The following MAP2K4 variants were observed in gnomAD, a reference collection of about 807,000 sequenced individuals.
The protein encoded by MAP2K4 is mitogen-activated protein kinase kinase 4.
In MAP2K4, 4 loss-of-function variants were observed where a neutral mutation model predicts 48.5. The ratio of observed to expected loss-of-function variants is 0.08; its 90% CI spans 0.04 to 0.19. The LOEUF (loss-of-function observed/expected upper bound fraction) is 0.19. MAP2K4 is among the 10% of genes least tolerant of loss of function. The probability of loss-of-function intolerance (pLI) is 1.00; values close to 1 mark genes in which losing one functional copy is unlikely to be tolerated. For missense variants in MAP2K4, 258 were observed against 493.3 expected, an observed-to-expected ratio of 0.52 and a Z score of 4.52; for synonymous variants, 166 against 173.1, an observed-to-expected ratio of 0.96 and a Z score of 0.32.
chr17:12,127,904 G>A (rs575152389), intron 8 of MAP2K4, among the ~76,000 whole-genome samples: 18 of 152,162 alleles, frequency 1.2e-4, no homozygotes, highest in Non-Finnish European at 2.2e-4. Flanking sequence ...GGGAGGAAAC[G>A]GAATCAGTGT....
chr17:12,135,028 G>A (rs1483235465), intron 9 of MAP2K4, among the ~76,000 whole-genome samples: 2 of 151,966 alleles, frequency 1.3e-5, no homozygotes, highest in East Asian at 1.9e-4. Context: ...TCAGCCCCCC[G>A]AGTAGCTGGG....
chr17:12,024,678 G>A (rs1466778608), intron 1 of MAP2K4, among the ~76,000 whole-genome samples: 1 of 152,134 alleles, frequency 6.6e-6, no homozygotes, highest in Non-Finnish European at 1.5e-5. Flanking sequence ...TATTCTTAAT[G>A]TTTCATCAAT....
intron 7 of MAP2K4, among the ~76,000 whole-genome samples, chr17:12,114,893 T>C (rs1244801435): frequency 6.6e-6 from 1 of 152,252 alleles, no homozygotes; most frequent in Non-Finnish European, 1.5e-5. Context: ...GTTTTCTTGC[T>C]GACCTTCATC....
Position 12,079,524 on chromosome 17 carries a change from C to T in MAP2K4, c.219-1832C>T, listed in dbSNP as rs200516752. On this transcript the variant is annotated intron_variant, in intron 2 of 10. Transcript: ENST00000353533. ...AAAGAAATATGCCTACACAAAAATA[C>T]GAACACTAAGAAGGTGGGGATCATG... Among the ~76,000 whole-genome samples, 9 of 152,216 alleles carry T rather than the reference C, an allele frequency of 5.9e-5. No homozygotes were observed. The East Asian group carries it at 1.4e-3, about 23-fold the overall frequency.
At position 12,020,912 on chromosome 17, in the gene MAP2K4, G is replaced by GCGGCGGCTC. The variant is rs1282723351; in HGVS notation, c.30_38dup (p.Ser12_Gly14dup). On this transcript the variant is annotated inframe_insertion, in exon 1 of 11. Transcript: ENST00000353533. The stretch of plus-strand genomic sequence containing the variant: ...ATGGCGGCTCCGAGCCCGAGCGGCG[G>GCGGCGGCTC]CGGCGGCTCCGGGGGCGGCAGCGGC... 6.6e-6 allele frequency: 8 copies of GCGGCGGCTC among 1,217,202 alleles called. No homozygotes were observed. Among genetic ancestry groups the GCGGCGGCTC allele is most frequent in the Non-Finnish European group, 8.2e-6 (8 of 978,562 alleles). 75.4% of individuals were successfully genotyped at this position (1,217,202 alleles called of 1,614,324 possible).
Position 12,141,418 on chromosome 17 carries a change from G to C in MAP2K4, c.*158G>C. ...CATGTCTGTATACTCCTGTCACCTA[G>C]AACGTGCATCCTTGTAATACCTGAT... On this transcript the variant is annotated 3_prime_UTR_variant, in exon 11 of 11. Coordinates refer to ENST00000353533, the MANE Select transcript of MAP2K4 (RefSeq NM_003010.4). 1 of 635,054 alleles carries C rather than the reference G, an allele frequency of 1.6e-6. No individual in the cohort carries two copies. Among genetic ancestry groups the C allele is most frequent in the Non-Finnish European group, 2.8e-6 (1 of 353,568 alleles). 39.3% of individuals were successfully genotyped at this position (635,054 alleles called of 1,614,324 possible).
chr17:12,061,896 G>GTT (rs138518335), intron 2 of MAP2K4, among the ~76,000 whole-genome samples: 26 of 150,684 alleles, frequency 1.7e-4, no homozygotes, highest in Non-Finnish European at 2.8e-4. Flanking sequence ...TTTTCAGTGT[G>GTT]TTTTTTTTTA....
At chr17:12,124,393 A>C (rs1471230246) in intron 7 of MAP2K4, 2 of 152,250 alleles carry the variant, frequency 1.3e-5, no homozygotes, top group African/African-American at 4.8e-5. Context: ...TGCGGTACAT[A>C]GGATAATATA....
intron 2 of MAP2K4, among the ~76,000 whole-genome samples, chr17:12,063,932 A>T (rs973909661): frequency 7.4e-6 from 1 of 134,944 alleles, no homozygotes; most frequent in African/African-American, 2.8e-5. Context: ...AGATCATAAC[A>T]CTGCACTCTA....
intron 2 of MAP2K4, among the ~76,000 whole-genome samples, chr17:12,056,891 A>C (rs1347357414): frequency 6.6e-6 from 1 of 152,156 alleles, no homozygotes; most frequent in East Asian, 1.9e-4. Context: ...GAAATAAGAT[A>C]TCTCTTAACA....
intron 3 of MAP2K4, among the ~76,000 whole-genome samples, chr17:12,086,444 A>G (rs1420930996): frequency 1.3e-5 from 2 of 152,150 alleles, no homozygotes; most frequent in African/African-American, 4.8e-5. Context: ...AATTCCCAGT[A>G]TACATGTGTG....
At chr17:12,054,662 A>G (rs750798931) in intron 1 of MAP2K4, among the ~76,000 whole-genome samples, 26 of 152,248 alleles carry the variant, frequency 1.7e-4, no homozygotes, top group South Asian at 6.2e-4. Flanking sequence ...ATAGCATTCT[A>G]TCTATTGTAT....
At chr17:12,034,409 C>T (rs1315775203) in intron 1 of MAP2K4, among the ~76,000 whole-genome samples, 1 of 152,190 alleles carries the variant, frequency 6.6e-6, no homozygotes, top group Non-Finnish European at 1.5e-5. Context: ...GATTATTCAC[C>T]TTGATTGCCC....
intron 2 of MAP2K4, chr17:12,069,702 G>A (rs1462118154): frequency 9.8e-7 from 1 of 1,022,318 alleles, no homozygotes; most frequent in African/African-American, 1.7e-5. Context: ...CCAGGAAGCA[G>A]GCAGTTTCCA....
intron 1 of MAP2K4, among the ~76,000 whole-genome samples, chr17:12,050,402 C>T (rs1014778722): frequency 6.6e-6 from 1 of 152,038 alleles, no homozygotes; most frequent in Non-Finnish European, 1.5e-5. Flanking sequence ...TGGAAACAGA[C>T]TTGAGGATGA....
intron 6 of MAP2K4, among the ~76,000 whole-genome samples, chr17:12,111,242 A>G (rs998359251): frequency 3.3e-5 from 5 of 152,174 alleles, no homozygotes; most frequent in African/African-American, 4.8e-5. Context: ...CTGGGAGACA[A>G]TTTCTAGTGG....
At chr17:12,035,371 G>GC (rs1969560917) in intron 1 of MAP2K4, among the ~76,000 whole-genome samples, 1 of 152,180 alleles carries the variant, frequency 6.6e-6, no homozygotes, top group Non-Finnish European at 1.5e-5. Flanking sequence ...TACAAAATTA[G>GC]CTGGGCGTGG....
chr17:12,079,725 A>G (rs1971128875), intron 2 of MAP2K4, among the ~76,000 whole-genome samples: 1 of 152,250 alleles, frequency 6.6e-6, no homozygotes. Flanking sequence ...CTTGCCAAAG[A>G]TTATAGAACA....
At chr17:12,064,414 C>T (rs905530635) in intron 2 of MAP2K4, among the ~76,000 whole-genome samples, 2 of 152,122 alleles carry the variant, frequency 1.3e-5, no homozygotes, top group South Asian at 2.1e-4. Context: ...GGTTTAAAGA[C>T]TCTGATAGAC....
Sources: allele counts gnomAD v4.1 joint callset (sites outside exome capture counted in the v4.1 genomes callset), GRCh38; gene constraint gnomAD v4.1.1; transcripts MANE v1.5; gene names NCBI Gene and HGNC (gene_info 2026-07-23, HGNC 2026-07-21).